ACOXL: variants seen among roughly 807,000 people sequenced by gnomAD.
The protein encoded by ACOXL is acyl-coenzyme A oxidase-like protein.
A neutral mutation model predicts 71.9 loss-of-function variants in ACOXL; 70 were observed. The observed-to-expected ratio is 0.97, with a 90% CI of 0.80 to 1.19. The LOEUF is 1.19. ACOXL is among the 50% of genes most tolerant of loss of function. The probability of loss-of-function intolerance (pLI) is 0.00; values close to 1 mark genes in which losing one functional copy is unlikely to be tolerated. For synonymous variants in ACOXL, 253 were observed against 281.6 expected, an observed-to-expected ratio of 0.90 and a Z score of 1.02; for missense variants, 703 against 736.3, an observed-to-expected ratio of 0.95 and a Z score of 0.52.
chr2:110,762,980 A>G (rs1680595371), intron 1 of ACOXL, among the ~76,000 whole-genome samples: 1 of 152,096 alleles, frequency 6.6e-6, no homozygotes, highest in South Asian at 2.1e-4. Context: ...TATTTCTTCA[A>G]CCTACATTGA....
intron 10 of ACOXL, among the ~76,000 whole-genome samples, chr2:110,880,629 T>G (rs965360967): frequency 2.0e-5 from 3 of 152,148 alleles, no homozygotes; most frequent in African/African-American, 7.2e-5. Context: ...CTGTGGCAAT[T>G]TAAACATTGC....
At chr2:110,853,344 G>C (rs1692846650) in intron 10 of ACOXL, among the ~76,000 whole-genome samples, 1 of 152,178 alleles carries the variant, frequency 6.6e-6, no homozygotes, top group African/African-American at 2.4e-5. Flanking sequence ...AAGTGCCTGG[G>C]TAGAGAAACT....
At chr2:110,966,257 C>T (rs1254616302) in intron 12 of ACOXL, among the ~76,000 whole-genome samples, 1 of 152,152 alleles carries the variant, frequency 6.6e-6, no homozygotes, top group Admixed American at 6.5e-5. Flanking sequence ...GGTGGCGAAT[C>T]CACCCCCACT....
chr2:110,957,908 A>G (rs1039858784), intron 12 of ACOXL, among the ~76,000 whole-genome samples: 2 of 151,988 alleles, frequency 1.3e-5, no homozygotes, highest in African/African-American at 4.8e-5. Context: ...AATACAAAAA[A>G]AAAGGCGGGC....
intron 12 of ACOXL, among the ~76,000 whole-genome samples, chr2:110,982,274 G>A (rs1169764825): frequency 2.0e-5 from 3 of 152,122 alleles, no homozygotes; most frequent in Admixed American, 6.6e-5. Flanking sequence ...CCGTGTTTAA[G>A]GCCCAGCAAT....
chr2:110,953,055 A>G (rs1185791906), intron 12 of ACOXL, among the ~76,000 whole-genome samples: 2 of 152,140 alleles, frequency 1.3e-5, no homozygotes, highest in Non-Finnish European at 2.9e-5. Flanking sequence ...AATTCTTACT[A>G]TATGTCAAGT....
intron 16 of ACOXL, 126 bp from the exon 17 acceptor site, chr2:111,092,739 G>T: frequency 1.5e-6 from 1 of 661,722 alleles, no homozygotes. Flanking sequence ...TTTACATTAG[G>T]AAAGTATTAA....
intron 10 of ACOXL, among the ~76,000 whole-genome samples, chr2:110,859,288 C>T (rs1038406209): frequency 7.9e-5 from 12 of 152,102 alleles, no homozygotes; most frequent in Non-Finnish European, 1.5e-4. Context: ...TGCTTCTGAG[C>T]GTAGCTTTCT....
chr2:110,962,882 GA>G (rs1210743497), intron 12 of ACOXL, among the ~76,000 whole-genome samples: 1 of 152,170 alleles, frequency 6.6e-6, no homozygotes, highest in Non-Finnish European at 1.5e-5. Context: ...AGCAATTCTG[GA>G]TATTTCATGG....
At chr2:111,067,561 A>G (rs992564762) in intron 16 of ACOXL, among the ~76,000 whole-genome samples, 4 of 152,252 alleles carry the variant, frequency 2.6e-5, no homozygotes, top group Non-Finnish European at 5.9e-5. Flanking sequence ...ACATACTCTG[A>G]AGTAGAAACA....
intron 9 of ACOXL, among the ~76,000 whole-genome samples, chr2:110,825,328 A>C (rs1484327227): frequency 1.3e-5 from 2 of 152,192 alleles, no homozygotes; most frequent in African/African-American, 2.4e-5. Context: ...ATCAGGAAAT[A>C]ACAATTAAAA....
intron 10 of ACOXL, among the ~76,000 whole-genome samples, chr2:110,882,875 A>G (rs1289523672): frequency 2.0e-5 from 3 of 152,190 alleles, no homozygotes; most frequent in Admixed American, 6.5e-5. Flanking sequence ...AGCAATCCCC[A>G]GCTATTGGAG....
intron 11 of ACOXL, among the ~76,000 whole-genome samples, chr2:110,923,796 C>T (rs59989089): frequency 0.023 from 3,506 of 151,954 alleles, 156 homozygotes; most frequent in African/African-American, 0.079. Context: ...ATTAGCTGGG[C>T]GTGGTGGTGG....
At chr2:110,846,884 G>C (rs1691953656) in intron 10 of ACOXL, among the ~76,000 whole-genome samples, 1 of 152,158 alleles carries the variant, frequency 6.6e-6, no homozygotes, top group Non-Finnish European at 1.5e-5. Flanking sequence ...TATTTCGATG[G>C]TGTAAATGTA....
intron 1 of ACOXL, among the ~76,000 whole-genome samples, chr2:110,761,646 C>T (rs1167031069): frequency 6.6e-6 from 1 of 152,204 alleles, no homozygotes; most frequent in Non-Finnish European, 1.5e-5. Context: ...TCCTACTGTA[C>T]ACCCATACTG....
intron 10 of ACOXL, among the ~76,000 whole-genome samples, chr2:110,873,284 T>G (rs948776347): frequency 2.0e-5 from 3 of 151,830 alleles, no homozygotes; most frequent in Non-Finnish European, 2.9e-5. Context: ...CGCCATCGTT[T>G]GATGCCTGGG....
chr2:110,963,859 T>G, intron 12 of ACOXL: 1 of 1,210,698 alleles, frequency 8.3e-7, no homozygotes, highest in South Asian at 1.7e-5. Flanking sequence ...GAACAGGGGA[T>G]TACGTTATTT....
At chr2:110,925,658 A>G (rs114699876) in intron 11 of ACOXL, among the ~76,000 whole-genome samples, 134 of 152,314 alleles carry the variant, frequency 8.8e-4, no homozygotes, top group African/African-American at 3.1e-3. Context: ...CCAGACCACT[A>G]AAACTTTCTC....
At chr2:111,064,101 C>T in intron 16 of ACOXL, among the ~76,000 whole-genome samples, 1 of 152,102 alleles carries the variant, frequency 6.6e-6, no homozygotes, top group East Asian at 1.9e-4. Flanking sequence ...AGGATCAACA[C>T]TCAGATACCA....
Sources: allele counts gnomAD v4.1 joint callset (sites outside exome capture counted in the v4.1 genomes callset), GRCh38; gene constraint gnomAD v4.1.1; transcripts MANE v1.5; gene names NCBI Gene and HGNC (gene_info 2026-07-23, HGNC 2026-07-21).